YAP1: variants seen among roughly 807,000 people sequenced by gnomAD.
YAP1 encodes transcriptional coactivator YAP1.
YAP1 carries 5 observed loss-of-function variants against 56.9 expected under a neutral mutation model. The observed-to-expected ratio is 0.09, with a 90% CI of 0.05 to 0.18. The LOEUF (loss-of-function observed/expected upper bound fraction) is 0.18. YAP1 is among the 10% of genes least tolerant of loss of function. The pLI, the probability that YAP1 is intolerant of heterozygous loss-of-function variation, is 1.00. For synonymous variants in YAP1, 265 were observed against 248.1 expected (o/e 1.07, Z -0.64); for missense variants, 539 against 651.8 (o/e 0.83, Z 1.88).
intron 3 of YAP1, among the ~76,000 whole-genome samples, chr11:102,178,282 A>C (rs1339926155): frequency 2.0e-5 from 3 of 152,186 alleles, no homozygotes; most frequent in African/African-American, 4.8e-5. Context: ...GTTACTTTCT[A>C]AGGAAACTAC....
chr11:102,113,375 T>G (rs1008678964), intron 1 of YAP1, among the ~76,000 whole-genome samples: 15 of 152,218 alleles, frequency 9.9e-5, no homozygotes, highest in African/African-American at 3.6e-4. Context: ...GTTAAGATAC[T>G]TGTTCAGTGT....
At position 102,111,097 on chromosome 11, in the gene YAP1, C is replaced by G; in HGVS notation, c.249C>G (p.Thr83=). The change falls in exon 1 of 9, where the codon ACC becomes ACG. Residue 83 remains threonine (T), a synonymous_variant. Coordinates refer to ENST00000282441, the MANE Select transcript of YAP1 (RefSeq NM_001130145.3). ...MNPKTANVPQ[T]VPMRLRKLPD... is the part of the protein sequence containing the mutation. ...CCAAGACGGCCAACGTGCCCCAGAC[C>G]GTGCCCATGAGGCTCCGGAAGCTGC... 2 of 1,613,480 alleles carry G rather than the reference C, an allele frequency of 1.2e-6. No homozygotes were observed. Among genetic ancestry groups the G allele is most frequent in the East Asian group, 2.2e-5 (1 of 44,794 alleles).
chr11:102,138,399 G>T (rs1944807128), intron 2 of YAP1, among the ~76,000 whole-genome samples: 1 of 152,146 alleles, frequency 6.6e-6, no homozygotes, highest in Non-Finnish European at 1.5e-5. Flanking sequence ...CAAATGTCTG[G>T]TGCCAGCTCA....
intron 4 of YAP1, among the ~76,000 whole-genome samples, chr11:102,193,746 TTAAAC>T (rs1407572731): frequency 6.6e-6 from 1 of 152,230 alleles, no homozygotes; most frequent in Admixed American, 6.5e-5. Flanking sequence ...AGATGATAGT[TTAAAC>T]TAATGCCTTA....
chr11:102,162,326 G>A (rs941905554), intron 2 of YAP1, 130 bp from the exon 3 acceptor site: 51 of 684,204 alleles, frequency 7.5e-5, no homozygotes, highest in Admixed American at 2.3e-4. Context: ...GCTGGTGGGA[G>A]CAGTGAGATG....
At chr11:102,112,508 C>T in intron 1 of YAP1, 1 of 979,248 alleles carries the variant, frequency 1.0e-6, no homozygotes, top group Non-Finnish European at 1.2e-6. Context: ...ATAGGTTTTC[C>T]AAATACTGCA....
intron 2 of YAP1, among the ~76,000 whole-genome samples, chr11:102,154,550 A>G (rs1220420337): frequency 6.6e-6 from 1 of 152,190 alleles, no homozygotes; most frequent in African/African-American, 2.4e-5. Context: ...TCATACAAAG[A>G]GATATTAATG....
chr11:102,185,508 G>T (rs1947900239), intron 3 of YAP1, among the ~76,000 whole-genome samples: 1 of 152,086 alleles, frequency 6.6e-6, no homozygotes, highest in African/African-American at 2.4e-5. Context: ...CTTGGTGTGA[G>T]CCACTCACAT....
chr11:102,213,961 C>G (rs1350987706), intron 6 of YAP1, among the ~76,000 whole-genome samples: 2 of 152,086 alleles, frequency 1.3e-5, no homozygotes, highest in African/African-American at 4.8e-5. Flanking sequence ...ACCTGTAGTC[C>G]CAGCTACTCA....
At chr11:102,111,509 AG>A (rs1363113356) in intron 1 of YAP1, among the ~76,000 whole-genome samples, 1 of 51,690 alleles carries the variant, frequency 1.9e-5, no homozygotes, top group Admixed American at 2.0e-4. Flanking sequence ...GGAGGAAGGA[AG>A]GGGGTGGGGA....
At position 102,171,607 on chromosome 11, in the gene YAP1, T is replaced by G. The variant is rs539322344; in HGVS notation, c.688+9036T>G. Among the ~76,000 whole-genome samples the G allele has an allele frequency of 9.3e-4, 141 of 152,322 alleles. 1 individual carries two copies. Among genetic ancestry groups the G allele is most frequent in the African/African-American group, 3.3e-3 (136 of 41,580 alleles). The stretch of plus-strand genomic sequence containing the variant: ...GTAAACTAACTCTAAGCCATTTCAT[T>G]GAGTTAAAATCTAAAGGACTTAAGT... On this transcript the variant is annotated intron_variant, in intron 3 of 8. Coordinates refer to ENST00000282441, the MANE Select transcript of YAP1 (RefSeq NM_001130145.3).
chr11:102,213,595 C>G (rs904625693), intron 6 of YAP1, among the ~76,000 whole-genome samples: 1 of 152,204 alleles, frequency 6.6e-6, no homozygotes. Context: ...AGCCTTTTCA[C>G]TCACTGGTTC....
chr11:102,124,883 C>T (rs1381656614), intron 2 of YAP1, among the ~76,000 whole-genome samples: 4 of 152,010 alleles, frequency 2.6e-5, no homozygotes, highest in Non-Finnish European at 5.9e-5. Flanking sequence ...TCACAGATTG[C>T]GTATCACCAT....
intron 4 of YAP1, among the ~76,000 whole-genome samples, chr11:102,201,534 AC>A (rs1243117080): frequency 6.6e-6 from 1 of 152,222 alleles, no homozygotes; most frequent in Non-Finnish European, 1.5e-5. Flanking sequence ...ACTTTAAAGC[AC>A]AGTGATTTTA....
intron 6 of YAP1, among the ~76,000 whole-genome samples, chr11:102,217,580 T>G (rs997566812): frequency 1.3e-5 from 2 of 152,232 alleles, no homozygotes; most frequent in Non-Finnish European, 2.9e-5. Flanking sequence ...TGATTTTATT[T>G]TAGAAAATTC....
chr11:102,201,416 A>C (rs1281458506), intron 4 of YAP1, among the ~76,000 whole-genome samples: 1 of 152,188 alleles, frequency 6.6e-6, no homozygotes, highest in Non-Finnish European at 1.5e-5. Flanking sequence ...TGGAGGTAGG[A>C]GGAAGCGGGT....
chr11:102,210,172 T>C (rs562204420), intron 6 of YAP1, among the ~76,000 whole-genome samples: 26 of 152,322 alleles, frequency 1.7e-4, no homozygotes, highest in African/African-American at 6.3e-4. Context: ...TTGTGGCCAA[T>C]TTTTCTTCTA....
intron 2 of YAP1, 67 bp downstream of exon 2, chr11:102,114,461 G>C (rs1388257247): frequency 5.8e-6 from 9 of 1,540,294 alleles, no homozygotes; most frequent in Non-Finnish European, 7.9e-6. Flanking sequence ...ACAGTAAAGT[G>C]GTGTCAAGAT....
intron 6 of YAP1, among the ~76,000 whole-genome samples, chr11:102,218,842 G>T (rs115954018): frequency 6.3e-4 from 96 of 152,256 alleles, no homozygotes; most frequent in African/African-American, 2.2e-3. Context: ...TAGAAATTCA[G>T]TTGTTAAATG....
Sources: gnomAD v4.1 joint callset for allele counts (sites outside exome capture counted in the v4.1 genomes callset) on GRCh38, gnomAD v4.1.1 for gene constraint, MANE v1.5 for transcripts, NCBI Gene and HGNC (gene_info 2026-07-23, HGNC 2026-07-21) for gene names.